The following UACA variants were observed in gnomAD, a reference collection of about 807,000 sequenced individuals.
UACA encodes the protein nuclear membrane binding protein.
Under a neutral mutation model 160.5 loss-of-function variants are expected in UACA, and 112 were observed. The ratio of observed to expected loss-of-function variants is 0.70; its 90% CI spans 0.60 to 0.82. The LOEUF (loss-of-function observed/expected upper bound fraction) is 0.82. Ranked by LOEUF, UACA falls within the 40% of genes least tolerant of loss-of-function variation. The pLI is 0.00. For missense variants in UACA, 1,574 were observed against 1,614.6 expected, an observed-to-expected ratio of 0.97 and a Z score of 0.43; for synonymous variants, 557 against 568.4, an observed-to-expected ratio of 0.98 and a Z score of 0.29.
intron 1 of UACA, among the ~76,000 whole-genome samples, chr15:70,721,050 C>G (rs930400343): frequency 6.6e-6 from 1 of 152,144 alleles, no homozygotes; most frequent in Non-Finnish European, 1.5e-5. Flanking sequence ...GCTGACAAAC[C>G]ACCAAGATTT....
intron 1 of UACA, among the ~76,000 whole-genome samples, chr15:70,709,423 A>T (rs1251310739): frequency 6.6e-6 from 1 of 152,246 alleles, no homozygotes; most frequent in Non-Finnish European, 1.5e-5. Context: ...AAATCAACAT[A>T]AAAGAAATCA....
chr15:70,763,721 G>T (rs531798356), upstream of UACA: 17 of 314,966 alleles, frequency 5.4e-5, no homozygotes, highest in African/African-American at 1.1e-4. Context: ...GGGAACTTTA[G>T]CCCGGGAAGG....
upstream of UACA, chr15:70,768,178 A>C (rs2031061331): frequency 1.3e-5 from 2 of 152,188 alleles, no homozygotes; most frequent in Non-Finnish European, 2.9e-5. Flanking sequence ...AGTGGTATCA[A>C]TTCCTTCTTA....
intron 1 of UACA, among the ~76,000 whole-genome samples, chr15:70,700,301 G>GTATATATATATATATATATATATATA (rs142277997): frequency 7.7e-6 from 1 of 129,880 alleles, no homozygotes; most frequent in African/African-American, 3.4e-5. Flanking sequence ...GAGGCAAATT[G>GTATATATATATATATATATATATATA]TATATATATA....
chr15:70,669,165 A>C lies in UACA; in HGVS notation c.1519T>G (p.Tyr507Asp). 6.2e-7 allele frequency: 1 copy of C among 1,614,078 alleles called. No homozygotes were observed. ...TGTTTAACTTTACCTTCTGACTCAT[A>C]CATCCTCTTCTGCACATCTTTTAAT... Reference protein sequence around the residue: ...DALKDVQKRMYESEGKVKQMQ... With the variant: ...DALKDVQKRMDESEGKVKQMQ... Residue 507 changes from tyrosine (Y) to aspartate (D), a missense_variant, in exon 16 of 19, where the codon TAT (tyrosine) becomes GAT (aspartate). Transcript: ENST00000322954.
At chr15:70,743,662 G>A (rs1899605926) in intron 1 of UACA, among the ~76,000 whole-genome samples, 1 of 152,132 alleles carries the variant, frequency 6.6e-6, no homozygotes, top group Non-Finnish European at 1.5e-5. Flanking sequence ...TCTTTTCCTA[G>A]TTTAAAATAA....
chr15:70,749,572 A>G (rs1238272136), intron 1 of UACA, among the ~76,000 whole-genome samples: 4 of 149,810 alleles, frequency 2.7e-5, no homozygotes, highest in South Asian at 2.1e-4. Flanking sequence ...AGTGGTGGGC[A>G]CCTGTAGTCC....
chr15:70,679,599 T>C lies in UACA; in HGVS notation c.891+9A>G, dbSNP rs765536224. On this transcript the variant is annotated intron_variant, in intron 10 of 18. Coordinates refer to ENST00000322954, the MANE Select transcript of UACA (RefSeq NM_018003.4). ...TTAAAGGAAGACACCATTATTTTTT[T>C]CTTTTTACCTGAATATTTTGATGCT... 4.5e-6 allele frequency: 7 copies of C among 1,566,644 alleles called. No homozygotes were observed. Among genetic ancestry groups the C allele is most frequent in the Non-Finnish European group, 8.7e-7 (1 of 1,151,354 alleles).
intron 1 of UACA, among the ~76,000 whole-genome samples, chr15:70,759,430 C>T (rs998640918): frequency 6.6e-6 from 1 of 152,154 alleles, no homozygotes; most frequent in Non-Finnish European, 1.5e-5. Flanking sequence ...CCAAGGTGGG[C>T]GGATCACCTG....
the UACA span, among the ~76,000 whole-genome samples, chr15:70,774,678 T>A: frequency 6.6e-6 from 1 of 152,102 alleles, no homozygotes; most frequent in Non-Finnish European, 1.5e-5. Context: ...AGTAAGGTAT[T>A]TATGCTTGTA....
At chr15:70,736,473 C>T (rs1009708900) in intron 1 of UACA, among the ~76,000 whole-genome samples, 5 of 152,046 alleles carry the variant, frequency 3.3e-5, no homozygotes, top group Admixed American at 6.6e-5. Context: ...CTCACTCTGC[C>T]GCCCAGGCTA....
chr15:70,768,791 G>C, the UACA span, among the ~76,000 whole-genome samples: 1 of 152,148 alleles, frequency 6.6e-6, no homozygotes, highest in African/African-American at 2.4e-5. Context: ...AAATAAGTTG[G>C]ATAGAAAAGT....
At chr15:70,681,972 T>C (rs532963412) in intron 9 of UACA, 12 of 152,324 alleles carry the variant, frequency 7.9e-5, no homozygotes, top group African/African-American at 1.7e-4. Context: ...ACCTGATTAC[T>C]TTCTCTTCAG....
At position 70,666,946 on chromosome 15, in the gene UACA, T is replaced by A; in HGVS notation, c.3738A>T (p.Lys1246Asn). ...LETQISSLNE[K>N]LANLNRKYEE... The stretch of plus-strand genomic sequence containing the variant: ...CATACTTTCTATTCAGATTGGCCAA[T>A]TTTTCATTTAAGCTAGAAATCTGTG... The change falls in exon 16 of 19, where the codon AAA becomes AAT. Residue 1246 changes from lysine to asparagine, a missense_variant. Transcript: ENST00000322954. 1.2e-6 allele frequency: 2 copies of A among 1,612,206 alleles called. No homozygotes were observed. Among genetic ancestry groups the A allele is most frequent in the South Asian group, 2.2e-5 (2 of 90,374 alleles).
intron 1 of UACA, among the ~76,000 whole-genome samples, chr15:70,722,489 T>A (rs1276761766): frequency 1.3e-5 from 2 of 152,124 alleles, no homozygotes; most frequent in African/African-American, 4.8e-5. Flanking sequence ...AGCTAATTTT[T>A]TTATTTTTAG....
At chr15:70,664,097 T>C (rs1421211268) in intron 17 of UACA, among the ~76,000 whole-genome samples, 2 of 152,206 alleles carry the variant, frequency 1.3e-5, no homozygotes, top group Non-Finnish European at 2.9e-5. Context: ...TTAAAGGGAA[T>C]GTTCCTTGCC....
At chr15:70,746,759 TAAAGAA>T (rs1250520590) in intron 1 of UACA, among the ~76,000 whole-genome samples, 1 of 152,048 alleles carries the variant, frequency 6.6e-6, no homozygotes, top group Non-Finnish European at 1.5e-5. Context: ...TTAGGCTGGA[TAAAGAA>T]AATGTGGCAC....
chr15:70,667,083 C>T lies in UACA; in HGVS notation c.3601G>A (p.Val1201Ile). The change falls in exon 16 of 19, where the codon GTC becomes ATC. Residue 1201 changes from valine to isoleucine, a missense_variant. Coordinates refer to ENST00000322954, the MANE Select transcript of UACA (RefSeq NM_018003.4). ...TGAACCTCCGACTGAAGTTTGGAGACTTCTTCCATTTTGTTTTGGCTTTCT... is the reference window on the plus strand; with the variant it reads ...TGAACCTCCGACTGAAGTTTGGAGATTTCTTCCATTTTGTTTTGGCTTTCT... ...EEESQNKMEE[V>I]SKLQSEVQNT... The T allele has an allele frequency of 1.2e-6, 2 of 1,613,168 alleles. No individual in the cohort carries two copies. The highest frequency in any genetic ancestry group is 8.5e-7 in the Non-Finnish European group (1 of 1,179,878).
chr15:70,738,228 A>T (rs545973940), intron 1 of UACA, among the ~76,000 whole-genome samples: 5 of 151,936 alleles, frequency 3.3e-5, no homozygotes, highest in Non-Finnish European at 5.9e-5. Context: ...CGGTTTCTGC[A>T]TCCTGGACTA....
Sources: gnomAD v4.1 joint callset for allele counts (sites outside exome capture counted in the v4.1 genomes callset) on GRCh38, gnomAD v4.1.1 for gene constraint, MANE v1.5 for transcripts, NCBI Gene and HGNC (gene_info 2026-07-23, HGNC 2026-07-21) for gene names.